Variants in TBC1D16 observed in about 807,000 individuals in gnomAD.
TBC1D16 encodes CTD-2529O21.1.
In TBC1D16, 58 loss-of-function variants were observed where a neutral mutation model predicts 74.7. The ratio of observed to expected loss-of-function variants is 0.78; its 90% CI spans 0.63 to 0.97. The LOEUF (loss-of-function observed/expected upper bound fraction) is 0.97, where lower values mean the gene tolerates loss of function less well. Ranked by LOEUF, TBC1D16 falls within the 50% of genes least tolerant of loss-of-function variation. The pLI is 0.00. For missense variants in TBC1D16, 1,014 were observed against 1,079.5 expected (o/e 0.94, Z 0.85); for synonymous variants, 493 against 474.7 (o/e 1.04, Z -0.50).
rs58166653 is a variant in TBC1D16 at position 79,936,916 on chromosome 17, G to GCC, written c.*3942_*3943insGG. 3 of 88,412 alleles carry GCC rather than the reference G, an allele frequency of 3.4e-5. No individual in the cohort carries two copies. Among genetic ancestry groups the GCC allele is most frequent in the Non-Finnish European group, 8.8e-5 (3 of 34,008 alleles). 5.5% of individuals were successfully genotyped at this position (88,412 alleles called of 1,614,324 possible). A position where few individuals can be genotyped will look rare whatever the true frequency, so the allele number is the denominator to read the frequency against. Reference sequence around the variant, plus strand: ...CGTGCGTGTGTGCATGTGCGTGTGTGTGTGTGTGTGTGTGTGTGTGTGTGC... The same window carrying GCC: ...CGTGCGTGTGTGCATGTGCGTGTGTGCCTGTGTGTGTGTGTGTGTGTGTGTGC... On this transcript the variant is annotated 3_prime_UTR_variant, in exon 12 of 12. Coordinates refer to ENST00000310924, the MANE Select transcript of TBC1D16 (RefSeq NM_019020.4).
chr17:80,012,181 T>C (rs2035920996), intron 2 of TBC1D16, among the ~76,000 whole-genome samples: 1 of 152,094 alleles, frequency 6.6e-6, no homozygotes, highest in Admixed American at 6.5e-5. Flanking sequence ...CTGGGAAATT[T>C]GGGGAATGTC....
intron 1 of TBC1D16, among the ~76,000 whole-genome samples, chr17:80,033,610 T>G (rs2036847702): frequency 6.6e-6 from 1 of 152,174 alleles, no homozygotes; most frequent in African/African-American, 2.4e-5. Context: ...TGGGCTCAAG[T>G]GATTCTCCCA....
intron 3 of TBC1D16, among the ~76,000 whole-genome samples, chr17:79,982,952 G>A (rs2034646296): frequency 6.6e-6 from 1 of 152,146 alleles, no homozygotes. Flanking sequence ...GAACTTCTTT[G>A]TGCATGCATA....
Position 80,010,122 on chromosome 17 carries a change from G to A in TBC1D16, c.779+38C>T. 1 of 1,542,390 alleles carries A rather than the reference G, an allele frequency of 6.5e-7. No homozygotes were observed. The highest frequency in any genetic ancestry group is 8.8e-7 in the Non-Finnish European group (1 of 1,136,176). ...CTTCCTGCCCAGGTCAGGCCTTGGGGGCCTCCCGAGAGCCCACGCCCAGAA... is the reference window on the plus strand; with the variant it reads ...CTTCCTGCCCAGGTCAGGCCTTGGGAGCCTCCCGAGAGCCCACGCCCAGAA... On this transcript the variant is annotated intron_variant, in intron 3 of 11. Coordinates refer to ENST00000310924, the MANE Select transcript of TBC1D16 (RefSeq NM_019020.4). The surrounding 1 kb of genome is among the most constrained non-coding windows in gnomAD (Gnocchi z 8.8).
rs574062657 is a variant in TBC1D16 at position 79,975,914 on chromosome 17, G to T, written c.780-23096C>A. ...TCCGGCAGGCGGCTCTCCAGGCCACGAGATGGGCACAGACCTTCCTGCACC... is the reference window on the plus strand; with the variant it reads ...TCCGGCAGGCGGCTCTCCAGGCCACTAGATGGGCACAGACCTTCCTGCACC... On this transcript the variant is annotated intron_variant, in intron 3 of 11. Transcript: ENST00000310924. This position sits in a 1 kb window ranked among gnomAD's most constrained non-coding sequence, Gnocchi z 4.5. Among the ~76,000 whole-genome samples, 1 of 152,168 alleles carries T rather than the reference G, an allele frequency of 6.6e-6. No individual in the cohort carries two copies. The highest frequency in any genetic ancestry group is 1.5e-5 in the Non-Finnish European group (1 of 68,026).
At chr17:80,005,924 C>T (rs965378192) in intron 3 of TBC1D16, among the ~76,000 whole-genome samples, 1 of 152,054 alleles carries the variant, frequency 6.6e-6, no homozygotes, top group African/African-American at 2.4e-5. Context: ...GGGAGTTGTC[C>T]CTCCTGGCCA....
intron 3 of TBC1D16, among the ~76,000 whole-genome samples, chr17:79,960,776 ACCC>A (rs369427584): frequency 8.2e-5 from 9 of 109,166 alleles, no homozygotes; most frequent in South Asian, 3.3e-4. Flanking sequence ...AAAAACAAAA[ACCC>A]AAAAAAAAAA....
In TBC1D16 at chr17:80,017,574, G is replaced by A. The variant is rs191487868; in HGVS notation, c.-62-3965C>T. ...TGCATGCCTGTGATCCCAGCTACTC[G>A]GGAGGCTCAAGCGGGAGAATCGCTT... is the stretch of plus-strand genomic sequence containing the variant. On this transcript the variant is annotated intron_variant, in intron 1 of 11. Transcript: ENST00000310924. 1.5e-4 allele frequency among the ~76,000 whole-genome samples: 22 copies of A among 151,574 alleles called. 1 individual carries two copies. Among genetic ancestry groups the A allele is most frequent in the South Asian group, 4.2e-4 (2 of 4,790 alleles).
chr17:79,980,440 G>A lies in TBC1D16; in HGVS notation c.780-27622C>T, dbSNP rs2034532065. Reference sequence around the variant, plus strand: ...GAGGTTCCCAGGGGAACATGCAGTGGGAGTCTGGGCCGCTACGTTGTGGGG... The same window carrying A: ...GAGGTTCCCAGGGGAACATGCAGTGAGAGTCTGGGCCGCTACGTTGTGGGG... On this transcript the variant is annotated intron_variant, in intron 3 of 11. Transcript: ENST00000310924. The surrounding 1 kb of genome is among the most constrained non-coding windows in gnomAD (Gnocchi z 7.0). Among the ~76,000 whole-genome samples the A allele has an allele frequency of 2.0e-5, 3 of 152,182 alleles. No individual in the cohort carries two copies. Among genetic ancestry groups the A allele is most frequent in the African/African-American group, 7.2e-5 (3 of 41,438 alleles).
chr17:79,960,807 A>AAAAAAAAAC (rs2033574287), intron 3 of TBC1D16, among the ~76,000 whole-genome samples: 1 of 141,622 alleles, frequency 7.1e-6, no homozygotes. Context: ...AAAAAAAAAA[A>AAAAAAAAAC]AACGAAGGAA....
intron 3 of TBC1D16, among the ~76,000 whole-genome samples, chr17:80,005,740 T>TAGTA (rs2035649456): frequency 6.6e-6 from 1 of 152,092 alleles, no homozygotes; most frequent in Non-Finnish European, 1.5e-5. Context: ...CCTCTGGGTT[T>TAGTA]AGTAGGTGGG....
Position 79,942,310 on chromosome 17 carries a change from G to T in TBC1D16, c.1909-104C>A, listed in dbSNP as rs539593587. 37 of 1,294,196 alleles carry T rather than the reference G, an allele frequency of 2.9e-5. No individual in the cohort carries two copies. The East Asian group carries it at 5.9e-4, about 20-fold the overall frequency. The allele number at this position is 1,294,196 out of a possible 1,614,324, so 80.2% of individuals were successfully genotyped here. On this transcript the variant is annotated intron_variant, in intron 10 of 11. Transcript: ENST00000310924. ...GGTGCGAGTGAGGGCTCCAGGGCGA[G>T]GGGTCTGGGCTCACAGCCCAGCTCG...
At chr17:79,947,429 C>T (rs2032636629) in intron 9 of TBC1D16, among the ~76,000 whole-genome samples, 3 of 152,180 alleles carry the variant, frequency 2.0e-5, no homozygotes, top group South Asian at 2.1e-4. Flanking sequence ...CCACACAACG[C>T]GGCCTCTGGA....
chr17:80,027,680 T>C (rs1210630673), intron 1 of TBC1D16, among the ~76,000 whole-genome samples: 1 of 149,020 alleles, frequency 6.7e-6, no homozygotes, highest in African/African-American at 2.5e-5. Flanking sequence ...TCGCTTGAGG[T>C]CAGGAGTTTG....
rs2031838117 is a variant in TBC1D16 at position 79,939,823 on chromosome 17, A to G, written c.*1036T>C. On this transcript the variant is annotated 3_prime_UTR_variant, in exon 12 of 12. Coordinates refer to ENST00000310924, the MANE Select transcript of TBC1D16 (RefSeq NM_019020.4). ...CCGACCACCTGAGAAGCTGACTTAC[A>G]TATCTGAGTTCACAGGTCCTGAAGG... is the stretch of plus-strand genomic sequence containing the variant. 6.6e-6 allele frequency: 1 copy of G among 152,336 alleles called. No individual in the cohort carries two copies. The highest frequency in any genetic ancestry group is 6.5e-5 in the Admixed American group (1 of 15,304). 9.4% of individuals were successfully genotyped at this position (152,336 alleles called of 1,614,324 possible). A position where few individuals can be genotyped will look rare whatever the true frequency, so the allele number is the denominator to read the frequency against.
intron 1 of TBC1D16, among the ~76,000 whole-genome samples, chr17:80,031,885 A>C (rs890852612): frequency 2.6e-5 from 4 of 152,214 alleles, no homozygotes; most frequent in Non-Finnish European, 5.9e-5. Context: ...AAAGCTTCTC[A>C]GCATCTGTCA....
Position 80,001,039 on chromosome 17 carries a change from G to A in TBC1D16, c.779+9121C>T, listed in dbSNP as rs1390609795. 6.6e-6 allele frequency among the ~76,000 whole-genome samples: 1 copy of A among 152,250 alleles called. No homozygotes were observed. Among genetic ancestry groups the A allele is most frequent in the African/African-American group, 2.4e-5 (1 of 41,474 alleles). On this transcript the variant is annotated intron_variant, in intron 3 of 11. Transcript: ENST00000310924. The surrounding 1 kb of genome is among the most constrained non-coding windows in gnomAD (Gnocchi z 5.8). ...AGAGCTGAGGGGCAGCCAGGGAGGG[G>A]ACCAGTGCTCGGCTGGGCGCCTGCT...
At chr17:79,984,620 TGAAGGAAGGAAGGAAG>T (rs71287518) in intron 3 of TBC1D16, among the ~76,000 whole-genome samples, 1 of 122,390 alleles carries the variant, frequency 8.2e-6, no homozygotes, top group Non-Finnish European at 1.6e-5. Flanking sequence ...AGGGAGGGAG[TGAAGGAAGGAAGGAAG>T]GAAGGAAGGA....
intron 3 of TBC1D16, among the ~76,000 whole-genome samples, chr17:79,996,279 C>G (rs536290491): frequency 6.6e-6 from 1 of 152,244 alleles, no homozygotes; most frequent in South Asian, 2.1e-4. Context: ...TCCCCATAAG[C>G]CTTTCGATAT....
Sources: allele counts gnomAD v4.1 joint callset (sites outside exome capture counted in the v4.1 genomes callset), GRCh38; gene constraint gnomAD v4.1.1; non-coding constraint Gnocchi (gnomAD v3.1); transcripts MANE v1.5; gene names NCBI Gene and HGNC (gene_info 2026-07-23, HGNC 2026-07-21).